ITPR3: variants seen among roughly 807,000 people sequenced by gnomAD.
The protein encoded by ITPR3 is inositol 1,4,5-trisphosphate receptor type 3.
A neutral mutation model predicts 293.2 loss-of-function variants in ITPR3; 173 were observed. The ratio of observed to expected loss-of-function variants is 0.59; its 90% confidence interval spans 0.52 to 0.67. ITPR3 has a LOEUF of 0.67. ITPR3 is among the 30% of genes least tolerant of loss of function. ITPR3 has a pLI of 0.00. For synonymous variants in ITPR3, 1,295 were observed against 1,444.4 expected, an observed-to-expected ratio of 0.90 and a Z score of 2.35; for missense variants, 2,796 against 3,592.1, an observed-to-expected ratio of 0.78 and a Z score of 5.66.
Position 33,696,042 on chromosome 6 carries a change from TCCTA to T in ITPR3, c.*267_*270del, listed in dbSNP as rs1453445265. The T allele has an allele frequency of 1.8e-5, 9 of 505,234 alleles. No homozygotes were observed. The highest frequency in any genetic ancestry group is 1.5e-4 in the African/African-American group (8 of 52,442). 31.3% of individuals were successfully genotyped at this position (505,234 alleles called of 1,614,324 possible). A position where few individuals can be genotyped will look rare whatever the true frequency, so the allele number is the denominator to read the frequency against. ...CCTTAATGCCTTAGCAGAAGATAAA[TCCTA>T]CCTAGAGACCTTTGTTCCTTAAAGC... is the stretch of plus-strand genomic sequence containing the variant. On this transcript the variant is annotated 3_prime_UTR_variant, in exon 58 of 58. Transcript: ENST00000605930.
chr6:33,689,336 A>G lies in ITPR3; in HGVS notation c.6793A>G (p.Ile2265Val), dbSNP rs189901337. 1.2e-6 allele frequency: 2 copies of G among 1,612,562 alleles called. No homozygotes were observed. Among genetic ancestry groups the G allele is most frequent in the Non-Finnish European group, 1.7e-6 (2 of 1,179,996 alleles). Residue 2265 changes from isoleucine (I) to valine (V), a missense_variant, in exon 50 of 58, where the codon ATC (isoleucine) becomes GTC (valine). Coordinates refer to ENST00000605930, the MANE Select transcript of ITPR3 (RefSeq NM_002224.4). Reference protein sequence around the residue: ...FTKRYSIRPLIVALILRSIYY... With the variant: ...FTKRYSIRPLVVALILRSIYY... ...CAAGCGCTACAGCATCCGCCCCCTC[A>G]TCGTGGCGCTCATCCTGCGCTCCAT... is the stretch of plus-strand genomic sequence containing the variant.
Position 33,681,875 on chromosome 6 carries a change from CAA to C in ITPR3, c.4477-647_4477-646del, listed in dbSNP as rs1355105681. Reference sequence around the variant, plus strand: ...TGAGGGTGATGGGGGAGAGACTTCTCAAAGTGTTATGTTTTTTTTTTTTGAGA... The same window carrying C: ...TGAGGGTGATGGGGGAGAGACTTCTCAGTGTTATGTTTTTTTTTTTTGAGA... On this transcript the variant is annotated intron_variant, in intron 33 of 57. Transcript: ENST00000605930. Among the ~76,000 whole-genome samples, 3 of 151,952 alleles carry C rather than the reference CAA, an allele frequency of 2.0e-5. No homozygotes were observed. The East Asian group carries it at 5.8e-4, about 30-fold the overall frequency.
rs990248485 is a variant in ITPR3, at chr6:33,633,538, C to A, written c.90-6946C>A. Among the ~76,000 whole-genome samples the A allele has an allele frequency of 3.3e-5, 5 of 151,940 alleles. No individual in the cohort carries two copies. Among genetic ancestry groups the A allele is most frequent in the African/African-American group, 1.2e-4 (5 of 41,408 alleles). On this transcript the variant is annotated intron_variant, in intron 1 of 57. Transcript: ENST00000605930. This position sits in a 1 kb window ranked among gnomAD's most constrained non-coding sequence, Gnocchi z 5.2. ...AGGGGTACCCCGGGGCCGCCCTCCG[C>A]GGGCAGACGAGCGGGGGAGAGCAGG...
In ITPR3 at chr6:33,658,658, C is replaced by T. The variant is rs1764374201; in HGVS notation, c.370-12C>T. 6.2e-7 allele frequency: 1 copy of T among 1,613,386 alleles called. No homozygotes were observed. Among genetic ancestry groups the T allele is most frequent in the African/African-American group, 1.3e-5 (1 of 74,946 alleles). On this transcript the variant is annotated splice_polypyrimidine_tract_variant and intron_variant, in intron 4 of 57. Coordinates refer to ENST00000605930, the MANE Select transcript of ITPR3 (RefSeq NM_002224.4). This position sits in a 1 kb window ranked among gnomAD's most constrained non-coding sequence, Gnocchi z 6.1. Reference sequence around the variant, plus strand: ...GGCGCGGTGACCTTCCCGCACCCCACCTGACCCCCAGCTCCTGCACATGAA... The same window carrying T: ...GGCGCGGTGACCTTCCCGCACCCCATCTGACCCCCAGCTCCTGCACATGAA...
chr6:33,674,828 T>G (rs1764864527), intron 24 of ITPR3, among the ~76,000 whole-genome samples: 1 of 152,236 alleles, frequency 6.6e-6, no homozygotes, highest in African/African-American at 2.4e-5. Flanking sequence ...ATGTGCCTCT[T>G]TACTAATACG....
In ITPR3 at chr6:33,672,150, G is replaced by T. The variant is rs758610049; in HGVS notation, c.2850G>T (p.Pro950=). Residue 950 remains proline (P), a synonymous_variant, in exon 22 of 58, where the codon CCG becomes CCT. Coordinates refer to ENST00000605930, the MANE Select transcript of ITPR3 (RefSeq NM_002224.4). This position sits in a 1 kb window ranked among gnomAD's most constrained non-coding sequence, Gnocchi z 5.0. ...CTGCTGGGGCCAGTGCTGCTGAGCC[G>T]CTGGACAGAAGCAAGTTTGAGGAGA... is the stretch of plus-strand genomic sequence containing the variant. The part of the protein sequence containing the change: ...SLSAGASAAE[P]LDRSKFEENE... 1 of 1,613,940 alleles carries T rather than the reference G, an allele frequency of 6.2e-7. No individual in the cohort carries two copies. The highest frequency in any genetic ancestry group is 1.3e-5 in the African/African-American group (1 of 74,894).
In ITPR3 at chr6:33,671,178, C is replaced by T. The variant is rs749277906; in HGVS notation, c.2600C>T (p.Ala867Val). The T allele has an allele frequency of 1.9e-6, 3 of 1,613,516 alleles. No homozygotes were observed. The highest frequency in any genetic ancestry group is 3.3e-5 in the Admixed American group (2 of 59,998). The change falls in exon 21 of 58, where the codon GCG becomes GTG. Residue 867 changes from alanine (A) to valine (V), a missense_variant. By Grantham distance (64) the Ala-to-Val change is moderately conservative (BLOSUM62 0). Transcript: ENST00000605930. ...NKLTFEVVSLAHNLIYFGFYS... is the reference protein window; with the variant it reads ...NKLTFEVVSLVHNLIYFGFYS... ...CCCCCTTCGCAGGTGGTCAGCCTGG[C>T]GCACAATCTCATCTACTTCGGCTTC... is the stretch of plus-strand genomic sequence containing the variant.
Position 33,638,383 on chromosome 6 carries a change from C to T in ITPR3, c.90-2101C>T, listed in dbSNP as rs1350243084. On this transcript the variant is annotated intron_variant, in intron 1 of 57. Transcript: ENST00000605930. This position sits in a 1 kb window ranked among gnomAD's most constrained non-coding sequence, Gnocchi z 4.3. ...CGGCTCTCTCCTTCCAGGAGGAGGT[C>T]GTGACGGAGGTGGGGCTGAAAATGG... Among the ~76,000 whole-genome samples, 2 of 152,140 alleles carry T rather than the reference C, an allele frequency of 1.3e-5. No individual in the cohort carries two copies. The highest frequency in any genetic ancestry group is 2.9e-5 in the Non-Finnish European group (2 of 68,014).
Position 33,633,036 on chromosome 6 carries a change from T to A in ITPR3, c.90-7448T>A, listed in dbSNP as rs1370901416. Among the ~76,000 whole-genome samples, 1 of 152,210 alleles carries A rather than the reference T, an allele frequency of 6.6e-6. No homozygotes were observed. The highest frequency in any genetic ancestry group is 1.5e-5 in the Non-Finnish European group (1 of 68,034). ...GGACTGTGGTAAGAACACAATGAGA[T>A]ACTGGATGTAAAAACGATTGATAAA... On this transcript the variant is annotated intron_variant, in intron 1 of 57. Coordinates refer to ENST00000605930, the MANE Select transcript of ITPR3 (RefSeq NM_002224.4). The surrounding 1 kb of genome is among the most constrained non-coding windows in gnomAD (Gnocchi z 5.2).
intron 29 of ITPR3, 37 bp from the exon 30 acceptor site, chr6:33,678,602 G>GGGGGGGGGGGGGGGGGGC: frequency 6.9e-7 from 1 of 1,455,536 alleles, no homozygotes. Flanking sequence ...TGGGGGCGGG[G>GGGGGGGGGGGGGGGGGGC]CCCAGATCTC....
chr6:33,681,267 G>A (rs1402217968), intron 33 of ITPR3, among the ~76,000 whole-genome samples: 3 of 152,228 alleles, frequency 2.0e-5, no homozygotes, highest in Non-Finnish European at 4.4e-5. Context: ...CAGTGGGTGG[G>A]CGGATCCCGG....
At chr6:33,680,202 G>A in intron 31 of ITPR3, 69 bp downstream of exon 31, 1 of 1,587,478 alleles carries the variant, frequency 6.3e-7, no homozygotes, top group Non-Finnish European at 8.6e-7. Context: ...CACGGGACAG[G>A]AAGAGTGGGT....
In ITPR3 at chr6:33,690,181, C is replaced by T. The variant is rs541935204; in HGVS notation, c.7015C>T (p.Leu2339=). 1 of 1,605,826 alleles carries T rather than the reference C, an allele frequency of 6.2e-7. No individual in the cohort carries two copies. The highest frequency in any genetic ancestry group is 2.2e-5 in the East Asian group (1 of 44,504). The part of the protein sequence containing the change: ...TSVLGLFAHE[L]FYSILLFDLI... The stretch of plus-strand genomic sequence containing the variant: ...TGTCCTGGGCCTCTTTGCTCATGAG[C>T]TGTTCTACAGCATCCTGGTGAGGCC... Residue 2339 remains leucine (L), a synonymous_variant, in exon 51 of 58, where the codon CTG becomes TTG. Coordinates refer to ENST00000605930, the MANE Select transcript of ITPR3 (RefSeq NM_002224.4).
chr6:33,668,842 G>A lies in ITPR3; in HGVS notation c.2007-132G>A. On this transcript the variant is annotated intron_variant, in intron 17 of 57. Transcript: ENST00000605930. ...CAGAAAAGAATGAGCCACGGACCCT[G>A]CCCTTGAGATGCATATGGTCTCTCT... 4 of 1,183,216 alleles carry A rather than the reference G, an allele frequency of 3.4e-6. No individual in the cohort carries two copies. In the South Asian group the frequency reaches 5.9e-5, roughly 17 times the overall value. The allele number at this position is 1,183,216 out of a possible 1,614,324, so 73.3% of individuals were successfully genotyped here.
In ITPR3 at chr6:33,654,728, G is replaced by T. The variant is rs997226971; in HGVS notation, c.161-1038G>T. Among the ~76,000 whole-genome samples, 1 of 152,142 alleles carries T rather than the reference G, an allele frequency of 6.6e-6. No individual in the cohort carries two copies. Among genetic ancestry groups the T allele is most frequent in the African/African-American group, 2.4e-5 (1 of 41,434 alleles). ...ACTGCCAGAGCATTGTACAATCAGG[G>T]ACTCACACAGCTGCAGCATGAGAGG... On this transcript the variant is annotated intron_variant, in intron 2 of 57. Transcript: ENST00000605930. The surrounding 1 kb of genome is among the most constrained non-coding windows in gnomAD (Gnocchi z 4.1).
Position 33,683,347 on chromosome 6 carries a change from AC to A in ITPR3, c.4743del (p.Thr1582ProfsTer25). On this transcript the variant is annotated frameshift_variant, in exon 35 of 58. Transcript: ENST00000605930. LOFTEE classifies it high-confidence loss of function. This position sits in a 1 kb window ranked among gnomAD's most constrained non-coding sequence, Gnocchi z 4.5. ...KATTRAFPRV[T>X]PTANQWDYKN... ...AACCACGCGGGCCTTCCCCCGCGTC[AC>A]CCCCACCGCCAACCAGTGGGACTAC... 1.9e-6 allele frequency: 3 copies of A among 1,595,882 alleles called. No individual in the cohort carries two copies. Among genetic ancestry groups the A allele is most frequent in the Admixed American group, 1.7e-5 (1 of 57,252 alleles).
In ITPR3 at chr6:33,691,629, A is replaced by C. The variant is rs1765393409; in HGVS notation, c.7240A>C (p.Met2414Leu). The change falls in exon 53 of 58, where the codon ATG (methionine) becomes CTG (leucine). Residue 2414 changes from methionine (M) to leucine (L), a missense_variant. Transcript: ENST00000605930. The surrounding 1 kb of genome is among the most constrained non-coding windows in gnomAD (Gnocchi z 4.9). ...NNHSTASPLG[M>L]PHGAAAFVDT... is the part of the protein sequence containing the mutation. ...ATCCCCTCCAGCCAGCCCCCTGGGG[A>C]TGCCACATGGAGCTGCTGCATTTGT... is the stretch of plus-strand genomic sequence containing the variant. 1 of 1,613,842 alleles carries C rather than the reference A, an allele frequency of 6.2e-7. No homozygotes were observed. Among genetic ancestry groups the C allele is most frequent in the African/African-American group, 1.3e-5 (1 of 74,866 alleles).
intron 1 of ITPR3, among the ~76,000 whole-genome samples, chr6:33,636,616 G>A (rs1763830139): frequency 6.6e-6 from 1 of 152,046 alleles, no homozygotes; most frequent in African/African-American, 2.4e-5. Flanking sequence ...CATCGACTGA[G>A]ATGGGGAGGA....
In ITPR3 at chr6:33,667,588, C is replaced by T. The variant is rs933191174; in HGVS notation, c.1714-204C>T. On this transcript the variant is annotated intron_variant, in intron 15 of 57. Coordinates refer to ENST00000605930, the MANE Select transcript of ITPR3 (RefSeq NM_002224.4). This position sits in a 1 kb window ranked among gnomAD's most constrained non-coding sequence, Gnocchi z 4.4. ...AAGGTCCCTGCCCTCGTGGAGGTTTCGCTCTGGTGGGAAACAGCCCACAAG... is the reference window on the plus strand; with the variant it reads ...AAGGTCCCTGCCCTCGTGGAGGTTTTGCTCTGGTGGGAAACAGCCCACAAG... Among the ~76,000 whole-genome samples, 1 of 152,204 alleles carries T rather than the reference C, an allele frequency of 6.6e-6. No individual in the cohort carries two copies. The highest frequency in any genetic ancestry group is 2.4e-5 in the African/African-American group (1 of 41,458).
Sources: allele counts gnomAD v4.1 joint callset (sites outside exome capture counted in the v4.1 genomes callset), GRCh38; gene constraint gnomAD v4.1.1; non-coding constraint Gnocchi (gnomAD v3.1); transcripts MANE v1.5; gene names NCBI Gene and HGNC (gene_info 2026-07-23, HGNC 2026-07-21).